The following HS3ST4 variants were observed in gnomAD, a reference collection of about 807,000 sequenced individuals.
The protein encoded by HS3ST4 is heparan sulfate-glucosamine 3-sulfotransferase 4, also known as heparan sulfate glucosamine 3-O-sulfotransferase 4.
A neutral mutation model predicts 29.2 loss-of-function variants in HS3ST4; 17 were observed. That is an observed-to-expected ratio of 0.58 (90% confidence interval 0.40 to 0.87). HS3ST4 has a LOEUF of 0.87. Among genes scored for constraint, HS3ST4 ranks in the 40% least tolerant of loss-of-function variants. The pLI, the probability that HS3ST4 is intolerant of heterozygous loss-of-function variation, is 0.00. For synonymous variants in HS3ST4, 314 were observed against 285.7 expected, an observed-to-expected ratio of 1.10 and a Z score of -1.00; for missense variants, 627 against 634.5, an observed-to-expected ratio of 0.99 and a Z score of 0.13.
chr16:26,036,917 A>G lies in HS3ST4; in HGVS notation c.735-98695A>G, dbSNP rs112100976. On this transcript the variant is annotated intron_variant, in intron 1 of 1. Transcript: ENST00000331351. The stretch of plus-strand genomic sequence containing the variant: ...AGAAAGAACTGGAACCAAGAACTGG[A>G]CAGGAATCCAGGAAACAGGAATGAA... Among the ~76,000 whole-genome samples the G allele has an allele frequency of 3.5e-3, 527 of 152,346 alleles. 2 individuals are homozygous for G. The highest frequency in any genetic ancestry group is 0.012 in the African/African-American group (508 of 41,584).
intron 1 of HS3ST4, among the ~76,000 whole-genome samples, chr16:26,128,976 A>G (rs559817201): frequency 4.6e-5 from 7 of 152,324 alleles, no homozygotes; most frequent in Admixed American, 4.6e-4. Flanking sequence ...TGGATAACAC[A>G]TTTGGGAAAA....
chr16:26,097,337 A>G (rs1898937757), intron 1 of HS3ST4, among the ~76,000 whole-genome samples: 2 of 152,234 alleles, frequency 1.3e-5, no homozygotes, highest in South Asian at 4.1e-4. Context: ...AAACTATACT[A>G]CAAGGCTACA....
intron 1 of HS3ST4, among the ~76,000 whole-genome samples, chr16:26,078,173 C>T (rs1471578233): frequency 6.6e-6 from 1 of 152,164 alleles, no homozygotes; most frequent in Non-Finnish European, 1.5e-5. Flanking sequence ...TGGAGTCTCA[C>T]TGTGTCCCTC....
chr16:25,999,828 A>C (rs993249653), intron 1 of HS3ST4, among the ~76,000 whole-genome samples: 1 of 129,526 alleles, frequency 7.7e-6, no homozygotes, highest in African/African-American at 2.8e-5. Context: ...ATATATATTT[A>C]TATATTATAT....
intron 1 of HS3ST4, among the ~76,000 whole-genome samples, chr16:26,079,699 C>A (rs1898703506): frequency 6.6e-6 from 1 of 152,178 alleles, no homozygotes; most frequent in African/African-American, 2.4e-5. Flanking sequence ...GAGGCAGAAC[C>A]TCTGCTGCTA....
intron 1 of HS3ST4, among the ~76,000 whole-genome samples, chr16:25,928,727 A>G (rs1968434617): frequency 1.3e-5 from 2 of 151,984 alleles, no homozygotes; most frequent in Non-Finnish European, 2.9e-5. Context: ...TTTTCCCTGA[A>G]CCCTCTCCAT....
intron 1 of HS3ST4, among the ~76,000 whole-genome samples, chr16:25,845,848 A>G (rs967890841): frequency 7.2e-5 from 11 of 152,022 alleles, no homozygotes; most frequent in Admixed American, 5.2e-4. Context: ...AATTTAATGC[A>G]CATTTATTTG....
chr16:25,959,128 G>A (rs1247219176), intron 1 of HS3ST4, among the ~76,000 whole-genome samples: 3 of 152,162 alleles, frequency 2.0e-5, no homozygotes, highest in African/African-American at 7.2e-5. Context: ...GGAGTGGGCC[G>A]AAGTGTGGAG....
At chr16:25,699,910 A>G (rs1966323564) in intron 1 of HS3ST4, among the ~76,000 whole-genome samples, 2 of 152,206 alleles carry the variant, frequency 1.3e-5, no homozygotes, top group Non-Finnish European at 2.9e-5. Flanking sequence ...AGCTTGTGAC[A>G]GAGTAAATGT....
chr16:25,816,796 G>A (rs2141631192), intron 1 of HS3ST4, among the ~76,000 whole-genome samples: 1 of 152,286 alleles, frequency 6.6e-6, no homozygotes, highest in South Asian at 2.1e-4. Flanking sequence ...TTTCTTGCTG[G>A]TGGGTTCTCT....
intron 1 of HS3ST4, among the ~76,000 whole-genome samples, chr16:26,024,837 C>G (rs1243625143): frequency 1.3e-5 from 2 of 152,172 alleles, no homozygotes; most frequent in East Asian, 3.9e-4. Flanking sequence ...AGAGTGTAAT[C>G]TAGCACAGGC....
At chr16:25,995,082 G>C (rs971784430) in intron 1 of HS3ST4, among the ~76,000 whole-genome samples, 1 of 152,166 alleles carries the variant, frequency 6.6e-6, no homozygotes, top group Non-Finnish European at 1.5e-5. Flanking sequence ...AGCAGGCTGA[G>C]AATGTGTCAG....
intron 1 of HS3ST4, among the ~76,000 whole-genome samples, chr16:26,077,937 T>C (rs187122767): frequency 2.0e-5 from 3 of 152,258 alleles, no homozygotes; most frequent in Admixed American, 2.0e-4. Flanking sequence ...TAGCCAGGCT[T>C]GGCGGTACAC....
At chr16:26,120,327 C>T (rs1475124825) in intron 1 of HS3ST4, among the ~76,000 whole-genome samples, 8 of 152,026 alleles carry the variant, frequency 5.3e-5, no homozygotes, top group Admixed American at 3.3e-4. Flanking sequence ...ATACAGCCAC[C>T]GTAGGATACA....
rs73515370 is a variant in HS3ST4 at position 25,904,619 on chromosome 16, C to T, written c.734+211468C>T. Among the ~76,000 whole-genome samples the T allele has an allele frequency of 6.6e-3, 999 of 152,214 alleles. 11 individuals carry two copies. Among genetic ancestry groups the T allele is most frequent in the African/African-American group, 0.023 (956 of 41,532 alleles). On this transcript the variant is annotated intron_variant, in intron 1 of 1. Transcript: ENST00000331351. ...ATGAAAGTCATTCATTCATTTATTC[C>T]TATCTTCATTCATTTTTTCAATAAG...
intron 1 of HS3ST4, among the ~76,000 whole-genome samples, chr16:26,049,973 T>A (rs746680924): frequency 6.6e-6 from 1 of 152,162 alleles, no homozygotes; most frequent in Non-Finnish European, 1.5e-5. Flanking sequence ...AGCCTCCCCC[T>A]GTCCAGCTGT....
intron 1 of HS3ST4, among the ~76,000 whole-genome samples, chr16:26,096,398 G>A (rs1020901832): frequency 2.6e-5 from 4 of 152,106 alleles, no homozygotes; most frequent in African/African-American, 7.2e-5. Flanking sequence ...TACCCACCAC[G>A]ATCAGGTTGG....
chr16:25,964,526 C>G lies in HS3ST4; in HGVS notation c.735-171086C>G, dbSNP rs530689706. Among the ~76,000 whole-genome samples the G allele has an allele frequency of 2.0e-5, 3 of 152,242 alleles. No homozygotes were observed. In the East Asian group the frequency reaches 5.8e-4, roughly 29 times the overall value. Reference sequence around the variant, plus strand: ...GCAGGGCAACCCTATAAGGTAGGTCCTATTGTTATTCTCATTTTGCAGAGG... The same window carrying G: ...GCAGGGCAACCCTATAAGGTAGGTCGTATTGTTATTCTCATTTTGCAGAGG... On this transcript the variant is annotated intron_variant, in intron 1 of 1. Transcript: ENST00000331351.
At chr16:26,092,360 C>A (rs1898867922) in intron 1 of HS3ST4, among the ~76,000 whole-genome samples, 1 of 152,160 alleles carries the variant, frequency 6.6e-6, no homozygotes, top group Non-Finnish European at 1.5e-5. Context: ...ACTAAGATAC[C>A]TGCCCCAGGC....
Sources: gnomAD v4.1 joint callset for allele counts (sites outside exome capture counted in the v4.1 genomes callset) on GRCh38, gnomAD v4.1.1 for gene constraint, MANE v1.5 for transcripts, NCBI Gene and HGNC (gene_info 2026-07-23, HGNC 2026-07-21) for gene names.